The following DGKZ variants were observed in gnomAD, a reference collection of about 807,000 sequenced individuals.
DGKZ encodes the protein diacylglycerol kinase zeta, also known as DAG kinase zeta.
A neutral mutation model predicts 142.5 loss-of-function variants in DGKZ; 45 were observed. The ratio of observed to expected loss-of-function variants is 0.32; its 90% CI spans 0.25 to 0.40. DGKZ has a LOEUF of 0.40. Among genes scored for constraint, DGKZ ranks in the 10% least tolerant of loss-of-function variants. The pLI, the probability that DGKZ is intolerant of heterozygous loss-of-function variation, is 1.00. For missense variants in DGKZ, 755 were observed against 1,306.5 expected, an observed-to-expected ratio of 0.58 and a Z score of 6.51; for synonymous variants, 442 against 527.0, an observed-to-expected ratio of 0.84 and a Z score of 2.21.
At chr11:46,353,875 G>T (rs1335651659) in intron 1 of DGKZ, among the ~76,000 whole-genome samples, 1 of 152,222 alleles carries the variant, frequency 6.6e-6, no homozygotes, top group African/African-American at 2.4e-5. Flanking sequence ...AGCTGTCTGG[G>T]AGCCTGGGCC....
At chr11:46,373,285 G>GTTTTTTTTTTTTTTTTT (rs961769830) in intron 14 of DGKZ, among the ~76,000 whole-genome samples, 184 bp downstream of exon 14, 2 of 115,372 alleles carry the variant, frequency 1.7e-5, no homozygotes, top group Non-Finnish European at 3.6e-5. Context: ...TTTTTTTTTT[G>GTTTTTTTTTTTTTTTTT]TTTTTTTTTT....
At chr11:46,359,658 C>T (rs1483347059) in intron 1 of DGKZ, among the ~76,000 whole-genome samples, 3 of 151,858 alleles carry the variant, frequency 2.0e-5, no homozygotes, top group East Asian at 3.9e-4. Context: ...GGCTGGAGTG[C>T]AGTGGCGTGA....
rs773493714 is a variant in DGKZ, at chr11:46,372,765, C to T, written c.1072-6C>T. ...GCCTGATTTGCCTCTGTTCTTCCTC[C>T]CCCAGGTGGGCTGGATCCTCTCCAC... On this transcript the variant is annotated splice_polypyrimidine_tract_variant and splice_region_variant and intron_variant, in intron 12 of 30. Coordinates refer to ENST00000527911, the Ensembl canonical transcript of DGKZ. This position sits in a 1 kb window ranked among gnomAD's most constrained non-coding sequence, Gnocchi z 5.9. 2.5e-6 allele frequency: 4 copies of T among 1,607,638 alleles called. No individual in the cohort carries two copies. Among genetic ancestry groups the T allele is most frequent in the Non-Finnish European group, 3.4e-6 (4 of 1,177,274 alleles).
chr11:46,366,781 C>G, intron 1 of DGKZ: 1 of 1,548,246 alleles, frequency 6.5e-7, no homozygotes, highest in Non-Finnish European at 8.7e-7. Context: ...TATATGACCA[C>G]GCTCTCTGGG....
At chr11:46,358,222 A>C (rs1942259475) in intron 1 of DGKZ, among the ~76,000 whole-genome samples, 1 of 152,050 alleles carries the variant, frequency 6.6e-6, no homozygotes, top group Non-Finnish European at 1.5e-5. Context: ...CAGAGTCCTT[A>C]CTCCATACAT....
chr11:46,367,282 CCT>C lies in DGKZ; in HGVS notation c.162-4_162-3del. Reference sequence around the variant, plus strand: ...TCAGCCCCCTCCTCAGCTGTCTTCTCCTCTCTAGGAAAGCCATCACCAAGTCG... The same window carrying C: ...TCAGCCCCCTCCTCAGCTGTCTTCTCCTCTAGGAAAGCCATCACCAAGTCG... On this transcript the variant is annotated splice_region_variant and splice_polypyrimidine_tract_variant and intron_variant, in intron 1 of 30. Transcript: ENST00000527911. The surrounding 1 kb of genome is among the most constrained non-coding windows in gnomAD (Gnocchi z 4.1). 1.9e-6 allele frequency: 3 copies of C among 1,609,758 alleles called. No individual in the cohort carries two copies. Among genetic ancestry groups the C allele is most frequent in the Non-Finnish European group, 2.5e-6 (3 of 1,178,278 alleles).
At chr11:46,341,096 T>A (rs1408050558) in intron 1 of DGKZ, among the ~76,000 whole-genome samples, 1 of 152,106 alleles carries the variant, frequency 6.6e-6, no homozygotes, top group Non-Finnish European at 1.5e-5. Flanking sequence ...TGCAGTGAGC[T>A]GAGATCATGC....
At chr11:46,377,401 G>C in intron 25 of DGKZ, 189 bp downstream of exon 25, 2 of 1,131,536 alleles carry the variant, frequency 1.8e-6, no homozygotes, top group Non-Finnish European at 2.4e-6. Flanking sequence ...GTCCACCCTG[G>C]TTCCCTCCCT....
chr11:46,369,288 GA>G (rs1943681320), intron 4 of DGKZ: 1 of 650,742 alleles, frequency 1.5e-6, no homozygotes, highest in Admixed American at 2.2e-5. Context: ...GTGGAAGAAG[GA>G]AAGATCCCTC....
intron 1 of DGKZ, among the ~76,000 whole-genome samples, chr11:46,360,640 G>T (rs777363735): frequency 6.6e-6 from 1 of 152,104 alleles, no homozygotes; most frequent in Non-Finnish European, 1.5e-5. Flanking sequence ...ACAAAAATTA[G>T]CTGGGCATGG....
At chr11:46,364,918 C>T (rs1943083337) in intron 1 of DGKZ, 1 of 985,466 alleles carries the variant, frequency 1.0e-6, no homozygotes, top group South Asian at 4.7e-5. Context: ...GATGCATCCC[C>T]CACCAGTCTC....
chr11:46,362,877 G>A (rs1377652542), intron 1 of DGKZ, among the ~76,000 whole-genome samples: 1 of 152,180 alleles, frequency 6.6e-6, no homozygotes, highest in Admixed American at 6.5e-5. Flanking sequence ...GACACCAATG[G>A]TCTTGTCTCC....
chr11:46,353,938 G>A (rs529728314), intron 1 of DGKZ, among the ~76,000 whole-genome samples: 2 of 152,302 alleles, frequency 1.3e-5, no homozygotes, highest in African/African-American at 4.8e-5. Context: ...CTGTCTCTCC[G>A]CCCCCTTCCC....
In DGKZ at chr11:46,375,634, A is replaced by G; in HGVS notation, c.1910+3A>G. The G allele has an allele frequency of 1.3e-6, 2 of 1,556,662 alleles. No homozygotes were observed. Among genetic ancestry groups the G allele is most frequent in the East Asian group, 2.4e-5 (1 of 42,274 alleles). On this transcript the variant is annotated splice_donor_region_variant and intron_variant, in intron 20 of 30. Transcript: ENST00000527911. ...AGCGCCGCCCCCCTGCACAGCGAGT[A>G]CGTCCCACCCTGCCACGTGCCCTGG...
At chr11:46,368,409 T>A (rs745769513) in intron 4 of DGKZ, 6 of 381,472 alleles carry the variant, frequency 1.6e-5, no homozygotes, top group Non-Finnish European at 3.1e-5. Context: ...TTGCTGAAGC[T>A]TCATAACTCA....
In DGKZ at chr11:46,361,748, C is replaced by T. The variant is rs550471898; in HGVS notation, c.162-5543C>T. 5.6e-6 allele frequency: 5 copies of T among 894,096 alleles called. No individual in the cohort carries two copies. In the African/African-American group the frequency reaches 7.2e-5, roughly 13 times the overall value. 55.4% of individuals were successfully genotyped at this position (894,096 alleles called of 1,614,324 possible). On this transcript the variant is annotated intron_variant, in intron 1 of 30. Coordinates refer to ENST00000527911, the Ensembl canonical transcript of DGKZ. The stretch of plus-strand genomic sequence containing the variant: ...AGCCCCTCCTTGCTTTCTGCTTCCT[C>T]CCTCTGTATCTGGCTGGGTGGGTGC...
rs912063249 is a variant in DGKZ, at chr11:46,347,951, C to T, written c.161+131C>T. ...ACACTGAGTCGGGGAGAGGCTGGCA[C>T]CGGCGGCACGAGCCGTCTTGGCGTG... On this transcript the variant is annotated intron_variant, in intron 1 of 30. Coordinates refer to ENST00000527911, the Ensembl canonical transcript of DGKZ. This position sits in a 1 kb window ranked among gnomAD's most constrained non-coding sequence, Gnocchi z 6.4. 57 of 1,215,640 alleles carry T rather than the reference C, an allele frequency of 4.7e-5. No individual in the cohort carries two copies. In the African/African-American group the frequency reaches 6.8e-4, roughly 14 times the overall value. The allele number at this position is 1,215,640 out of a possible 1,614,324, so 75.3% of individuals were successfully genotyped here. A position where few individuals can be genotyped will look rare whatever the true frequency, so the allele number is the denominator to read the frequency against.
At chr11:46,371,339 C>T in exon 7 of DGKZ, 2 of 1,613,940 alleles carry the variant, frequency 1.2e-6, no homozygotes, top group South Asian at 2.2e-5. Context: ...TCACCTTCCA[C>T]AGCAAGGAGA....
In DGKZ at chr11:46,347,578, C is replaced by T. The variant is rs1940793218; in HGVS notation, c.-82C>T. The stretch of plus-strand genomic sequence containing the variant: ...CGCGCCATGGAGGTGGCGGGCGGCG[C>T]GGAGCGGGCGTGCTGAGCCCCGGCC... On this transcript the variant is annotated 5_prime_UTR_variant, in exon 1 of 31. Coordinates refer to ENST00000527911, the Ensembl canonical transcript of DGKZ. The surrounding 1 kb of genome is among the most constrained non-coding windows in gnomAD (Gnocchi z 6.4). 3 of 1,101,578 alleles carry T rather than the reference C, an allele frequency of 2.7e-6. No homozygotes were observed. The East Asian group carries it at 1.5e-4, about 56-fold the overall frequency. 68.2% of individuals were successfully genotyped at this position (1,101,578 alleles called of 1,614,324 possible). A position where few individuals can be genotyped will look rare whatever the true frequency, so the allele number is the denominator to read the frequency against.
Sources: gnomAD v4.1 joint callset for allele counts (sites outside exome capture counted in the v4.1 genomes callset) on GRCh38, gnomAD v4.1.1 for gene constraint, Gnocchi (gnomAD v3.1) non-coding constraint, MANE v1.5 for transcripts, NCBI Gene and HGNC (gene_info 2026-07-23, HGNC 2026-07-21) for gene names.